PDZD2: variants seen among roughly 807,000 people sequenced by gnomAD.
PDZD2 encodes PDZ domain-containing protein 2.
A neutral mutation model predicts 220.7 loss-of-function variants in PDZD2; 90 were observed. The observed-to-expected ratio is 0.41, with a 90% CI of 0.34 to 0.49. PDZD2 has a LOEUF of 0.49. Ranked by LOEUF, PDZD2 falls within the 20% of genes least tolerant of loss-of-function variation. The pLI, the probability that PDZD2 is intolerant of heterozygous loss-of-function variation, is 0.28. For missense variants in PDZD2, 3,174 were observed against 3,608.5 expected (o/e 0.88, Z 3.08); for synonymous variants, 1,375 against 1,450.5 (o/e 0.95, Z 1.18).
chr5:31,951,504 A>T (rs1447862904), intron 2 of PDZD2, among the ~76,000 whole-genome samples: 1 of 152,246 alleles, frequency 6.6e-6, no homozygotes, highest in African/African-American at 2.4e-5. Flanking sequence ...TTGGGGAGAC[A>T]CAAACATTGA....
intron 1 of PDZD2, among the ~76,000 whole-genome samples, chr5:31,793,058 G>A (rs775669424): frequency 3.3e-5 from 5 of 151,440 alleles, no homozygotes; most frequent in Non-Finnish European, 7.4e-5. Flanking sequence ...GGCTGCTCTC[G>A]AACTCCTGAC....
Position 32,014,939 on chromosome 5 carries a change from C to CTTTTTTT in PDZD2, c.1407+4471_1407+4477dup, listed in dbSNP as rs746683258. ...TGGCCAGGATAGTCTCAATCTCTCTCTTTTTTTTTTTTTTTTTTTTGAGAC... is the reference window on the plus strand; with the variant it reads ...TGGCCAGGATAGTCTCAATCTCTCTCTTTTTTTTTTTTTTTTTTTTTTTTTTTGAGAC... On this transcript the variant is annotated intron_variant, in intron 6 of 24. Coordinates refer to ENST00000438447, the MANE Select transcript of PDZD2 (RefSeq NM_178140.4). Among the ~76,000 whole-genome samples, 7 of 94,014 alleles carry CTTTTTTT rather than the reference C, an allele frequency of 7.4e-5. 1 individual carries two copies. Among genetic ancestry groups the CTTTTTTT allele is most frequent in the Admixed American group, 1.3e-4 (1 of 7,520 alleles). 61.7% of individuals were successfully genotyped at this position (94,014 alleles called of 152,430 possible). A position where few individuals can be genotyped will look rare whatever the true frequency, so the allele number is the denominator to read the frequency against.
At chr5:32,025,664 T>A (rs1344015236) in intron 6 of PDZD2, among the ~76,000 whole-genome samples, 1 of 134,178 alleles carries the variant, frequency 7.5e-6, no homozygotes, top group Non-Finnish European at 1.5e-5. Flanking sequence ...GGCAGTGGCA[T>A]GATCTCGGCT....
At chr5:31,864,839 CTTTTTTTTTT>C (rs70955752) in intron 2 of PDZD2, among the ~76,000 whole-genome samples, 7 of 70,950 alleles carry the variant, frequency 9.9e-5, no homozygotes, top group South Asian at 5.5e-4. Flanking sequence ...TGAGATTTGT[CTTTTTTTTTT>C]TTTTTTTTTT....
At chr5:31,783,110 T>C (rs968381771) in intron 1 of PDZD2, among the ~76,000 whole-genome samples, 2 of 152,182 alleles carry the variant, frequency 1.3e-5, no homozygotes, top group African/African-American at 4.8e-5. Context: ...TTATTTTAGA[T>C]AAAGTTGGTT....
At chr5:32,011,244 C>T (rs1037060520) in intron 6 of PDZD2, among the ~76,000 whole-genome samples, 1 of 151,082 alleles carries the variant, frequency 6.6e-6, no homozygotes, top group Non-Finnish European at 1.5e-5. Flanking sequence ...ACCCCAGCAC[C>T]TTGGGAGGCC....
At chr5:32,079,125 G>T (rs1028147137) in intron 19 of PDZD2, among the ~76,000 whole-genome samples, 2 of 151,364 alleles carry the variant, frequency 1.3e-5, no homozygotes, top group African/African-American at 4.9e-5. Context: ...CGGGTGTTGT[G>T]GTGCATGCCT....
chr5:31,823,039 G>T (rs1755983877), intron 2 of PDZD2: 3 of 1,168,742 alleles, frequency 2.6e-6, no homozygotes, highest in East Asian at 3.4e-5. Context: ...CCTCCGCAGG[G>T]TTCCTCTGGG....
At chr5:32,084,861 T>G (rs570901829) in intron 19 of PDZD2, among the ~76,000 whole-genome samples, 1 of 151,900 alleles carries the variant, frequency 6.6e-6, no homozygotes, top group Admixed American at 6.6e-5. Context: ...CTAGATGACT[T>G]CCCACTGTCC....
At chr5:32,049,881 T>G (rs1016133254) in intron 8 of PDZD2, among the ~76,000 whole-genome samples, 1 of 152,168 alleles carries the variant, frequency 6.6e-6, no homozygotes, top group Non-Finnish European at 1.5e-5. Flanking sequence ...ATGGTCCTGT[T>G]GGACCCACAG....
intron 18 of PDZD2, among the ~76,000 whole-genome samples, chr5:32,075,713 C>T (rs1264581505): frequency 6.6e-6 from 1 of 151,730 alleles, no homozygotes; most frequent in Non-Finnish European, 1.5e-5. Context: ...ACATAAATAA[C>T]TTCTCTCTCT....
chr5:31,861,964 T>C (rs1420153568), intron 2 of PDZD2, among the ~76,000 whole-genome samples: 1 of 152,122 alleles, frequency 6.6e-6, no homozygotes, highest in Non-Finnish European at 1.5e-5. Flanking sequence ...TATAAATGTA[T>C]GCCTTATACT....
intron 2 of PDZD2, among the ~76,000 whole-genome samples, chr5:31,919,526 T>C (rs1472681577): frequency 6.6e-6 from 1 of 152,036 alleles, no homozygotes; most frequent in African/African-American, 2.4e-5. Flanking sequence ...TTTGTATTTT[T>C]GGTAGAGACA....
At position 31,646,052 on chromosome 5, in the gene PDZD2, G is replaced by A. The variant is rs1022384977; in HGVS notation, c.-361+6615G>A. Among the ~76,000 whole-genome samples, 4 of 149,468 alleles carry A rather than the reference G, an allele frequency of 2.7e-5. No homozygotes were observed. The South Asian group carries it at 6.5e-4, about 24-fold the overall frequency. On this transcript the variant is annotated intron_variant, in intron 1 of 24. Transcript: ENST00000438447. The surrounding 1 kb of genome is among the most constrained non-coding windows in gnomAD (Gnocchi z 4.7). The stretch of plus-strand genomic sequence containing the variant: ...TCAGGGAGCTTTGCACTGCGGGGGG[G>A]CCTTCTCACTACTGTCACTCCTAGG...
intron 24 of PDZD2, chr5:32,106,563 T>G (rs575226341): frequency 2.4e-4 from 37 of 152,350 alleles, no homozygotes; most frequent in African/African-American, 8.9e-4. Flanking sequence ...AACTGGAGTT[T>G]GGAGAAATCT....
At chr5:31,969,084 G>A (rs1376942840) in intron 2 of PDZD2, among the ~76,000 whole-genome samples, 2 of 152,242 alleles carry the variant, frequency 1.3e-5, no homozygotes, top group East Asian at 3.9e-4. Flanking sequence ...AAATGGAATG[G>A]TAGATACTCA....
intron 2 of PDZD2, among the ~76,000 whole-genome samples, chr5:31,809,482 G>A (rs1417104234): frequency 1.3e-5 from 2 of 152,122 alleles, no homozygotes; most frequent in Non-Finnish European, 2.9e-5. Context: ...CACAGCCTCG[G>A]CCCTCAGGAG....
intron 2 of PDZD2, among the ~76,000 whole-genome samples, chr5:31,873,898 G>T (rs7729073): frequency 0.48 from 73,075 of 151,630 alleles, 17,901 homozygotes; most frequent in African/African-American, 0.56. Flanking sequence ...GCCCAGCTAA[G>T]TTTGTATTTT....
intron 1 of PDZD2, among the ~76,000 whole-genome samples, chr5:31,745,450 T>C (rs1166940820): frequency 1.3e-5 from 2 of 152,174 alleles, no homozygotes; most frequent in Admixed American, 6.5e-5. Flanking sequence ...ATAAATGGAT[T>C]CAAGTGGATG....
Sources: gnomAD v4.1 joint callset for allele counts (sites outside exome capture counted in the v4.1 genomes callset) on GRCh38, gnomAD v4.1.1 for gene constraint, Gnocchi (gnomAD v3.1) non-coding constraint, MANE v1.5 for transcripts, NCBI Gene and HGNC (gene_info 2026-07-23, HGNC 2026-07-21) for gene names.